Variants in ASIC2 observed in about 807,000 individuals in gnomAD.
The protein encoded by ASIC2 is acid-sensing ion channel 2.
A neutral mutation model predicts 57.3 loss-of-function variants in ASIC2; 25 were observed. The observed-to-expected ratio is 0.44, with a 90% CI of 0.32 to 0.61. The LOEUF (loss-of-function observed/expected upper bound fraction) is 0.61, where lower values mean the gene tolerates loss of function less well. Ranked by LOEUF, ASIC2 falls within the 20% of genes least tolerant of loss-of-function variation. ASIC2 has a pLI of 0.06. For missense variants in ASIC2, 641 were observed against 738.1 expected (o/e 0.87, Z 1.52); for synonymous variants, 319 against 307.5 (o/e 1.04, Z -0.39).
chr17:33,931,259 G>A (rs1425753668), intron 1 of ASIC2: 1 of 152,226 alleles, frequency 6.6e-6, no homozygotes, highest in Non-Finnish European at 1.5e-5. Flanking sequence ...CGTGTGAGAG[G>A]GTCGTGATCG....
intron 1 of ASIC2, among the ~76,000 whole-genome samples, chr17:33,672,241 T>C (rs1347952685): frequency 6.6e-6 from 1 of 152,152 alleles, no homozygotes; most frequent in African/African-American, 2.4e-5. Flanking sequence ...TTCTTAAATT[T>C]AAAAAGCAAC....
intron 1 of ASIC2, among the ~76,000 whole-genome samples, chr17:33,816,580 A>G (rs1057023354): frequency 2.6e-5 from 4 of 152,178 alleles, no homozygotes; most frequent in African/African-American, 9.7e-5. Flanking sequence ...CCCTACCCTG[A>G]TGCCAACTGT....
chr17:34,033,186 A>C (rs1907699968), intron 1 of ASIC2, among the ~76,000 whole-genome samples: 1 of 152,254 alleles, frequency 6.6e-6, no homozygotes, highest in South Asian at 2.1e-4. Context: ...AGTGCAAGCA[A>C]ACTAGAACTC....
At chr17:33,376,593 G>A (rs1181503101) in intron 1 of ASIC2, among the ~76,000 whole-genome samples, 1 of 152,150 alleles carries the variant, frequency 6.6e-6, no homozygotes, top group East Asian at 1.9e-4. Flanking sequence ...AGCAGGCACT[G>A]TTACTACCCC....
chr17:34,050,215 A>C, intron 1 of ASIC2, among the ~76,000 whole-genome samples: 1 of 152,226 alleles, frequency 6.6e-6, no homozygotes, highest in Non-Finnish European at 1.5e-5. Context: ...ACAAGAGTTT[A>C]TGATTGCCAG....
chr17:33,642,716 A>C (rs1316565998), intron 1 of ASIC2, among the ~76,000 whole-genome samples: 3 of 152,158 alleles, frequency 2.0e-5, no homozygotes, highest in East Asian at 3.9e-4. Flanking sequence ...TGCCTGGGAA[A>C]TATCAACTCC....
At chr17:33,832,989 C>T (rs1913160579) in intron 1 of ASIC2, among the ~76,000 whole-genome samples, 1 of 152,088 alleles carries the variant, frequency 6.6e-6, no homozygotes, top group African/African-American at 2.4e-5. Context: ...ATAAAATTAA[C>T]AAGATATATG....
At chr17:33,824,764 A>G (rs1428433150) in intron 1 of ASIC2, among the ~76,000 whole-genome samples, 1 of 58,306 alleles carries the variant, frequency 1.7e-5, no homozygotes, top group Non-Finnish European at 3.9e-5. Flanking sequence ...CCCCTGCACA[A>G]GCTGTCTTGC....
rs149646368 is a variant in ASIC2 at position 33,406,910 on chromosome 17, G to A, written c.556-294843C>T. On this transcript the variant is annotated intron_variant, in intron 1 of 9. Coordinates refer to the ASIC2 transcript ENST00000359872. ...AAAGTTATAATAGACTAATGTTTTG[G>A]CCTTTCTCCAGTCTCAAATAGAGAA... is the stretch of plus-strand genomic sequence containing the variant. Among the ~76,000 whole-genome samples, 211 of 152,248 alleles carry A rather than the reference G, an allele frequency of 1.4e-3. 1 individual carries two copies. The highest frequency in any genetic ancestry group is 2.2e-3 in the Non-Finnish European group (151 of 68,012).
At chr17:33,833,057 T>C (rs182706378) in intron 1 of ASIC2, among the ~76,000 whole-genome samples, 273 of 152,226 alleles carry the variant, frequency 1.8e-3, no homozygotes, top group African/African-American at 6.3e-3. Flanking sequence ...TTTGAAACAA[T>C]GAGAGTTATA....
intron 1 of ASIC2, among the ~76,000 whole-genome samples, chr17:33,138,907 A>T (rs1027940557): frequency 6.6e-6 from 1 of 152,202 alleles, no homozygotes; most frequent in Non-Finnish European, 1.5e-5. Context: ...GGGATGGTAG[A>T]AGTGGTTAGA....
intron 1 of ASIC2, among the ~76,000 whole-genome samples, chr17:33,757,734 C>G (rs753041574): frequency 5.3e-5 from 8 of 152,196 alleles, no homozygotes; most frequent in Non-Finnish European, 8.8e-5. Flanking sequence ...AGCATTTTCT[C>G]AGAACAACCT....
chr17:33,770,691 C>G (rs1911073688), intron 1 of ASIC2, among the ~76,000 whole-genome samples: 1 of 152,224 alleles, frequency 6.6e-6, no homozygotes, highest in Admixed American at 6.5e-5. Flanking sequence ...AATTCCCCAT[C>G]CCCACATCAG....
At chr17:33,636,745 C>G (rs938105562) in intron 1 of ASIC2, among the ~76,000 whole-genome samples, 1 of 152,110 alleles carries the variant, frequency 6.6e-6, no homozygotes. Flanking sequence ...CACTCAGACA[C>G]ACACCAATAT....
At chr17:33,705,343 A>G (rs1908832138) in intron 1 of ASIC2, among the ~76,000 whole-genome samples, 1 of 152,186 alleles carries the variant, frequency 6.6e-6, no homozygotes, top group African/African-American at 2.4e-5. Flanking sequence ...ACATTTTTTT[A>G]AATGTTTGTG....
At chr17:33,922,756 G>C (rs1262080999) in intron 1 of ASIC2, among the ~76,000 whole-genome samples, 2 of 152,088 alleles carry the variant, frequency 1.3e-5, no homozygotes, top group African/African-American at 4.8e-5. Flanking sequence ...TCCTACTGCT[G>C]GTCAAAGGCA....
intron 1 of ASIC2, among the ~76,000 whole-genome samples, chr17:33,312,235 T>A (rs1683272809): frequency 6.6e-6 from 1 of 152,174 alleles, no homozygotes; most frequent in South Asian, 2.1e-4. Flanking sequence ...GTGCCTGGTG[T>A]ATAGTAAACA....
chr17:33,691,781 T>C (rs1250098176), intron 1 of ASIC2, among the ~76,000 whole-genome samples: 2 of 152,198 alleles, frequency 1.3e-5, no homozygotes, highest in Non-Finnish European at 2.9e-5. Flanking sequence ...GTTTTCCACA[T>C]TAACAGATTA....
intron 1 of ASIC2, among the ~76,000 whole-genome samples, chr17:33,315,449 G>A (rs1436608761): frequency 6.6e-6 from 1 of 152,028 alleles, no homozygotes; most frequent in Non-Finnish European, 1.5e-5. Context: ...AAACGCTTTG[G>A]GATATCTTAA....
Sources: gnomAD v4.1 joint callset for allele counts (sites outside exome capture counted in the v4.1 genomes callset) on GRCh38, gnomAD v4.1.1 for gene constraint, MANE v1.5 for transcripts, NCBI Gene and HGNC (gene_info 2026-07-23, HGNC 2026-07-21) for gene names.